The following TCHP variants were observed in gnomAD, a reference collection of about 807,000 sequenced individuals.
TCHP encodes the protein trichoplein keratin filament binding.
TCHP carries 81 observed loss-of-function variants against 88.7 expected under a neutral mutation model. The observed-to-expected ratio is 0.91, with a 90% CI of 0.76 to 1.10. The LOEUF is 1.10. Among genes scored for constraint, TCHP ranks in the 50% least tolerant of loss-of-function variants. The pLI is 0.00. For synonymous variants in TCHP, 232 were observed against 232.5 expected (o/e 1.00, Z 0.02); for missense variants, 641 against 632.1 (o/e 1.01, Z -0.15).
At chr12:109,889,058 G>T in the TCHP span, among the ~76,000 whole-genome samples, 4 of 151,982 alleles carry the variant, frequency 2.6e-5, no homozygotes, top group Admixed American at 2.0e-4. Context: ...ACTGGGCATG[G>T]TATCTCACAC....
At chr12:109,911,440 C>T (rs971084291) in intron 9 of TCHP, among the ~76,000 whole-genome samples, 3 of 151,888 alleles carry the variant, frequency 2.0e-5, no homozygotes, top group Non-Finnish European at 4.4e-5. Flanking sequence ...GGCAAAACTC[C>T]AGGCTCTACC....
chr12:109,909,357 C>T (rs1347364919), intron 8 of TCHP, among the ~76,000 whole-genome samples: 1 of 152,164 alleles, frequency 6.6e-6, no homozygotes, highest in Admixed American at 6.5e-5. Context: ...AGTGAGATCA[C>T]CCCCTTGACC....
the TCHP span, among the ~76,000 whole-genome samples, chr12:109,884,045 A>G: frequency 3.3e-5 from 5 of 152,138 alleles, no homozygotes; most frequent in African/African-American, 9.7e-5. Flanking sequence ...GGGCACTATT[A>G]GTCATGCATC....
chr12:109,908,596 TA>T lies in TCHP; in HGVS notation c.713del (p.Lys238ArgfsTer8). Reference sequence around the variant, plus strand: ...TCATCATCACCACAGGCGACCAAACTAAAGAAGGAGCAGGAGAATCTGTTGA... The same window carrying T: ...TCATCATCACCACAGGCGACCAAACTAAGAAGGAGCAGGAGAATCTGTTGA... ...LKLKEVEATK[L>X]KKEQENLLKQ... On this transcript the variant is annotated frameshift_variant, in exon 7 of 13. Coordinates refer to ENST00000405876, the MANE Select transcript of TCHP (RefSeq NM_001143852.2). LOFTEE classifies it high-confidence loss of function. 6.3e-7 allele frequency: 1 copy of T among 1,598,666 alleles called. No individual in the cohort carries two copies. Among genetic ancestry groups the T allele is most frequent in the Admixed American group, 1.8e-5 (1 of 55,988 alleles).
At chr12:109,909,885 A>T (rs904725095) in intron 8 of TCHP, among the ~76,000 whole-genome samples, 2 of 152,194 alleles carry the variant, frequency 1.3e-5, no homozygotes, top group Non-Finnish European at 2.9e-5. Flanking sequence ...GAATCATTTG[A>T]ACCTGGTAGG....
the TCHP span, among the ~76,000 whole-genome samples, chr12:109,892,147 A>G: frequency 6.6e-6 from 1 of 152,146 alleles, no homozygotes; most frequent in East Asian, 1.9e-4. Context: ...AGATTGTGCC[A>G]TTGCACTCCA....
chr12:109,908,549 C>G, intron 6 of TCHP, 37 bp from the exon 7 acceptor site: 1 of 1,526,916 alleles, frequency 6.5e-7, no homozygotes, highest in Non-Finnish European at 9.0e-7. Context: ...CCCACGATCT[C>G]AGATCTCAGT....
chr12:109,911,417 G>T (rs1390642285), intron 9 of TCHP, among the ~76,000 whole-genome samples, 182 bp downstream of exon 9: 1 of 152,020 alleles, frequency 6.6e-6, no homozygotes, highest in Non-Finnish European at 1.5e-5. Flanking sequence ...TTTGAGATCA[G>T]CCTGGGCAAC....
chr12:109,883,041 CTT>C, the TCHP span, among the ~76,000 whole-genome samples: 8 of 137,012 alleles, frequency 5.8e-5, no homozygotes, highest in Admixed American at 1.5e-4. Context: ...TTTTTTTTTT[CTT>C]TTTTTTTTTT....
the TCHP span, among the ~76,000 whole-genome samples, chr12:109,890,511 ATT>A: frequency 1.7e-4 from 24 of 137,254 alleles, no homozygotes; most frequent in Non-Finnish European, 1.9e-4. Context: ...TCTTTTTTCT[ATT>A]TTTTTTTTTT....
Position 109,903,866 on chromosome 12 carries a change from G to A in TCHP, c.189-71G>A, listed in dbSNP as rs1869958330. 9 of 1,311,694 alleles carry A rather than the reference G, an allele frequency of 6.9e-6. No individual in the cohort carries two copies. The highest frequency in any genetic ancestry group is 2.5e-5 in the South Asian group (2 of 78,742). The allele number at this position is 1,311,694 out of a possible 1,614,324, so 81.3% of individuals were successfully genotyped here. A position where few individuals can be genotyped will look rare whatever the true frequency, so the allele number is the denominator to read the frequency against. On this transcript the variant is annotated intron_variant, in intron 2 of 12. Coordinates refer to ENST00000405876, the MANE Select transcript of TCHP (RefSeq NM_001143852.2). This position sits in a 1 kb window ranked among gnomAD's most constrained non-coding sequence, Gnocchi z 4.6. The stretch of plus-strand genomic sequence containing the variant: ...CACATCTACCTCAGCCTCTTTTACC[G>A]ACACAGCAGAGCAGAGCACGTTCCC...
chr12:109,907,543 G>A lies in TCHP; in HGVS notation c.543G>A (p.Glu181=), dbSNP rs770943136. The A allele has an allele frequency of 3.1e-6, 5 of 1,614,096 alleles. No individual in the cohort carries two copies. In the East Asian group the frequency reaches 1.1e-4, roughly 36 times the overall value. The change falls in exon 6 of 13, where the codon GAG becomes GAA. Residue 181 remains glutamate, a synonymous_variant. Transcript: ENST00000405876. ...CCTTGTAGCAAGAAGCCACCGCAGA[G>A]CAAGAGAACAAACGGTATGAAAATG... ...EEKKQQEATA[E]QENKRYENEY...
chr12:109,903,246 A>G lies in TCHP; in HGVS notation c.188+32A>G. 2.5e-6 allele frequency: 4 copies of G among 1,583,354 alleles called. No individual in the cohort carries two copies. The highest frequency in any genetic ancestry group is 3.5e-6 in the Non-Finnish European group (4 of 1,158,026). On this transcript the variant is annotated intron_variant, in intron 2 of 12. Coordinates refer to ENST00000405876, the MANE Select transcript of TCHP (RefSeq NM_001143852.2). The surrounding 1 kb of genome is among the most constrained non-coding windows in gnomAD (Gnocchi z 4.6). ...GTGCGGTAACTGCCGATTGGATGGAAGTGGGGACCACTTGCTGGTCAGGGG... is the reference window on the plus strand; with the variant it reads ...GTGCGGTAACTGCCGATTGGATGGAGGTGGGGACCACTTGCTGGTCAGGGG...
the TCHP span, among the ~76,000 whole-genome samples, chr12:109,883,417 G>A: frequency 6.0e-4 from 91 of 152,078 alleles, no homozygotes; most frequent in African/African-American, 1.8e-3. Flanking sequence ...GAAGTGAGAG[G>A]GGCTGGGGAA....
rs61586812 is a variant in TCHP at position 109,905,197 on chromosome 12, G to A, written c.456+404G>A. Among the ~76,000 whole-genome samples, 1 of 152,192 alleles carries A rather than the reference G, an allele frequency of 6.6e-6. No homozygotes were observed. Among genetic ancestry groups the A allele is most frequent in the African/African-American group, 2.4e-5 (1 of 41,446 alleles). On this transcript the variant is annotated intron_variant, in intron 4 of 12. Coordinates refer to ENST00000405876, the MANE Select transcript of TCHP (RefSeq NM_001143852.2). The surrounding 1 kb of genome is among the most constrained non-coding windows in gnomAD (Gnocchi z 4.0). ...AGTTCCTGGGGTGGAAGAGTTTGAA[G>A]GGATGTATGTGTGTAGAGGTGAGGA...
chr12:109,904,865 A>T (rs1299985238), intron 4 of TCHP, 72 bp downstream of exon 4: 7 of 1,396,746 alleles, frequency 5.0e-6, no homozygotes, highest in South Asian at 1.2e-5. Context: ...TTTTTTTTGA[A>T]CACGTATCTT....
the TCHP span, among the ~76,000 whole-genome samples, chr12:109,890,417 G>A: frequency 6.6e-6 from 1 of 151,978 alleles, no homozygotes; most frequent in Non-Finnish European, 1.5e-5. Flanking sequence ...GCTGCAGTGA[G>A]CCATGATTGT....
the TCHP span, among the ~76,000 whole-genome samples, chr12:109,892,613 G>T: frequency 6.6e-6 from 1 of 152,210 alleles, no homozygotes; most frequent in South Asian, 2.1e-4. Flanking sequence ...GCCAGTGGGT[G>T]CCTGTGGGCA....
the TCHP span, chr12:109,888,575 C>T: frequency 1.3e-5 from 2 of 152,204 alleles, no homozygotes; most frequent in African/African-American, 4.8e-5. Context: ...GGCCGTCTTT[C>T]CCCCAGCGGT....
Sources: gnomAD v4.1 joint callset for allele counts (sites outside exome capture counted in the v4.1 genomes callset) on GRCh38, gnomAD v4.1.1 for gene constraint, Gnocchi (gnomAD v3.1) non-coding constraint, MANE v1.5 for transcripts, NCBI Gene and HGNC (gene_info 2026-07-23, HGNC 2026-07-21) for gene names.